The following RGPD2 variants were observed in gnomAD, a reference collection of about 807,000 sequenced individuals.
The protein encoded by RGPD2 is RANBP2-like and GRIP domain-containing protein 2.
A neutral mutation model predicts 36.0 loss-of-function variants in RGPD2; 2 were observed. That is an observed-to-expected ratio of 0.06 (90% CI 0.02 to 0.17). The LOEUF (loss-of-function observed/expected upper bound fraction) is 0.17, where lower values mean the gene tolerates loss of function less well. Ranked by LOEUF, RGPD2 falls within the 10% of genes least tolerant of loss-of-function variation. The pLI is 1.00. For missense variants in RGPD2, 40 were observed against 464.3 expected, an observed-to-expected ratio of 0.09 and a Z score of 8.40; for synonymous variants, 19 against 163.8, an observed-to-expected ratio of 0.12 and a Z score of 6.75.
chr2:87,852,873 C>A, the RGPD2 span, among the ~76,000 whole-genome samples: 1 of 152,268 alleles, frequency 6.6e-6, no homozygotes, highest in Non-Finnish European at 1.5e-5. Context: ...ATAGTCATAG[C>A]CATCTGACAT....
the RGPD2 span, among the ~76,000 whole-genome samples, chr2:87,967,313 C>A: frequency 1.3e-5 from 2 of 149,004 alleles, no homozygotes; most frequent in Non-Finnish European, 2.9e-5. Context: ...GAGGCTGAGG[C>A]AGGACAACAG....
At chr2:87,983,257 T>C in the RGPD2 span, among the ~76,000 whole-genome samples, 14 of 152,190 alleles carry the variant, frequency 9.2e-5, no homozygotes, top group African/African-American at 3.4e-4. Context: ...GAGGCAGAGG[T>C]TGTAGTGAGC....
At chr2:87,930,800 T>G in the RGPD2 span, among the ~76,000 whole-genome samples, 3 of 148,102 alleles carry the variant, frequency 2.0e-5, no homozygotes, top group Non-Finnish European at 3.0e-5. Context: ...TGAAAGGGTG[T>G]TATTTGTCCA....
chr2:87,872,218 T>C, the RGPD2 span, among the ~76,000 whole-genome samples: 1 of 150,646 alleles, frequency 6.6e-6, no homozygotes, highest in South Asian at 2.1e-4. Flanking sequence ...AAATCTTATA[T>C]CAACTATTTA....
At chr2:87,760,784 A>T (rs1170671550) in intron 22 of RGPD2, among the ~76,000 whole-genome samples, 2 of 69,540 alleles carry the variant, frequency 2.9e-5, no homozygotes, top group South Asian at 8.1e-4. Flanking sequence ...CGCCCCGCTA[A>T]TTTTTTGTAT....
At chr2:87,976,171 A>G in the RGPD2 span, among the ~76,000 whole-genome samples, 3 of 150,962 alleles carry the variant, frequency 2.0e-5, no homozygotes, top group African/African-American at 4.9e-5. Context: ...AAGTAAGTTA[A>G]TGGCTAGTCA....
At chr2:87,921,194 T>C in the RGPD2 span, among the ~76,000 whole-genome samples, 2 of 152,088 alleles carry the variant, frequency 1.3e-5, no homozygotes, top group East Asian at 3.9e-4. Flanking sequence ...GCCTGTTAAT[T>C]CACTCAGAGT....
At chr2:87,957,239 G>GGT in the RGPD2 span, among the ~76,000 whole-genome samples, 2 of 142,796 alleles carry the variant, frequency 1.4e-5, no homozygotes, top group African/African-American at 2.6e-5. Flanking sequence ...AGGTCACTGG[G>GGT]GGGGGGCTCT....
chr2:87,937,455 C>T, the RGPD2 span, among the ~76,000 whole-genome samples: 1 of 151,748 alleles, frequency 6.6e-6, no homozygotes, highest in Non-Finnish European at 1.5e-5. Context: ...GAGCGTGACA[C>T]CAGCATCTAC....
At chr2:87,863,695 C>CGTGT in the RGPD2 span, among the ~76,000 whole-genome samples, 39 of 149,444 alleles carry the variant, frequency 2.6e-4, no homozygotes, top group African/African-American at 8.9e-4. Flanking sequence ...TACACAAATA[C>CGTGT]GTGTGTGTGT....
At chr2:87,882,101 C>A in the RGPD2 span, among the ~76,000 whole-genome samples, 3 of 152,346 alleles carry the variant, frequency 2.0e-5, no homozygotes, top group South Asian at 6.2e-4. Flanking sequence ...TGACATAAAC[C>A]ACTCCCACTA....
At chr2:87,988,541 A>ATATATATTTT in the RGPD2 span, among the ~76,000 whole-genome samples, 130 of 54,146 alleles carry the variant, frequency 2.4e-3, 7 homozygotes, top group East Asian at 4.6e-3. Flanking sequence ...ATATATATAT[A>ATATATATTTT]TTTTTTTTTT....
the RGPD2 span, among the ~76,000 whole-genome samples, chr2:87,840,680 C>T: frequency 6.7e-6 from 1 of 149,142 alleles, no homozygotes; most frequent in Non-Finnish European, 1.5e-5. Flanking sequence ...GAATTCACTG[C>T]AAAGAGCATG....
At chr2:87,844,009 C>T in the RGPD2 span, among the ~76,000 whole-genome samples, 1 of 150,802 alleles carries the variant, frequency 6.6e-6, no homozygotes, top group Admixed American at 6.6e-5. Flanking sequence ...GGGAATTGAA[C>T]AATGAGAACA....
chr2:87,928,052 ATTTAACT>A, the RGPD2 span, among the ~76,000 whole-genome samples: 3 of 50,226 alleles, frequency 6.0e-5, no homozygotes, highest in African/African-American at 2.4e-4. Flanking sequence ...TGAGGGTTTT[ATTTAACT>A]TTTAAGTTCA....
chr2:87,957,239 G>GGA, the RGPD2 span, among the ~76,000 whole-genome samples: 2 of 142,796 alleles, frequency 1.4e-5, no homozygotes, highest in Non-Finnish European at 3.1e-5. Flanking sequence ...AGGTCACTGG[G>GGA]GGGGGGCTCT....
chr2:87,943,449 T>G, the RGPD2 span, among the ~76,000 whole-genome samples: 21 of 152,182 alleles, frequency 1.4e-4, no homozygotes, highest in Non-Finnish European at 3.1e-4. Flanking sequence ...GAGAATTTTG[T>G]TTTATTTTGT....
the RGPD2 span, among the ~76,000 whole-genome samples, chr2:87,875,768 C>A: frequency 6.6e-6 from 1 of 152,280 alleles, no homozygotes; most frequent in South Asian, 2.1e-4. Context: ...CAATTGTTTG[C>A]AATAGTCTCA....
At chr2:87,841,228 T>C in the RGPD2 span, among the ~76,000 whole-genome samples, 1 of 151,258 alleles carries the variant, frequency 6.6e-6, no homozygotes, top group Non-Finnish European at 1.5e-5. Context: ...TCCCCCCTTC[T>C]CTCTTGCTCC....
Sources: gnomAD v4.1 joint callset for allele counts (sites outside exome capture counted in the v4.1 genomes callset) on GRCh38, gnomAD v4.1.1 for gene constraint, MANE v1.5 for transcripts, NCBI Gene and HGNC (gene_info 2026-07-23, HGNC 2026-07-21) for gene names.